Variants in SNTG2 observed in about 807,000 individuals in gnomAD.
The protein encoded by SNTG2 is gamma-2-syntrophin.
In SNTG2, 74 loss-of-function variants were observed where a neutral mutation model predicts 70.9. The ratio of observed to expected loss-of-function variants is 1.04; its 90% CI spans 0.86 to 1.27. The LOEUF is 1.27. Among genes scored for constraint, SNTG2 ranks in the 50% most tolerant of loss-of-function variants. The probability of loss-of-function intolerance (pLI) is 0.00; values close to 1 mark genes in which losing one functional copy is unlikely to be tolerated. For missense variants in SNTG2, 717 were observed against 690.7 expected (o/e 1.04, Z -0.43); for synonymous variants, 278 against 273.8 (o/e 1.02, Z -0.15).
intron 4 of SNTG2, chr2:1,103,335 C>A (rs1452672724): frequency 8.2e-6 from 2 of 244,592 alleles, no homozygotes; most frequent in Non-Finnish European, 8.6e-6. Flanking sequence ...AATTTTAATT[C>A]TTTCAATTCA....
intron 9 of SNTG2, among the ~76,000 whole-genome samples, chr2:1,221,273 G>C (rs991666400): frequency 4.7e-4 from 8 of 16,862 alleles, no homozygotes; most frequent in Non-Finnish European, 1.1e-3. Flanking sequence ...GTCTGTCTCT[G>C]TCTCTGCCTC....
At chr2:1,101,149 G>A (rs1385512432) in intron 4 of SNTG2, among the ~76,000 whole-genome samples, 1 of 152,164 alleles carries the variant, frequency 6.6e-6, no homozygotes, top group Non-Finnish European at 1.5e-5. Flanking sequence ...CTCCTCCCAG[G>A]CCTGCTCCCA....
intron 2 of SNTG2, among the ~76,000 whole-genome samples, chr2:1,094,308 GCCGGCTTC>G (rs1186639572): frequency 1.7e-5 from 1 of 59,016 alleles, no homozygotes; most frequent in African/African-American, 7.2e-5. Context: ...ACTGGCAAGG[GCCGGCTTC>G]CTGGACTGCA....
chr2:1,145,712 C>G (rs28763333), intron 6 of SNTG2, among the ~76,000 whole-genome samples: 55,935 of 152,002 alleles, frequency 0.37, 11,133 homozygotes, highest in East Asian at 0.83. Flanking sequence ...ATGAGGCCAG[C>G]TTTATCACAA....
chr2:1,139,326 G>C (rs1450312700), intron 6 of SNTG2, among the ~76,000 whole-genome samples: 1 of 152,194 alleles, frequency 6.6e-6, no homozygotes, highest in African/African-American at 2.4e-5. Flanking sequence ...CGCCTCCCGG[G>C]TTCAAGCAAC....
rs1681275114 is a variant in SNTG2 at position 1,316,273 on chromosome 2, C to G, written c.1386C>G (p.Leu462=). 6.6e-7 allele frequency: 1 copy of G among 1,520,680 alleles called. No individual in the cohort carries two copies. The highest frequency in any genetic ancestry group is 1.2e-5 in the South Asian group (1 of 82,414). 94.2% of individuals were successfully genotyped at this position (1,520,680 alleles called of 1,614,324 possible). The change falls in exon 16 of 17, where the codon CTC becomes CTG. Residue 462 remains leucine (L), a synonymous_variant. Transcript: ENST00000308624. ...ATTTTATTCCTTTACAGAATGTGCT[C>G]TGGAGATTTAAATTTTCCCAGCTTA... ...TCFESKTKNV[L]WRFKFSQLKG...
intron 6 of SNTG2, among the ~76,000 whole-genome samples, chr2:1,155,172 C>CACACACACACACACA (rs1553340385): frequency 0.098 from 2,533 of 25,940 alleles, 89 homozygotes; most frequent in African/African-American, 0.16. Context: ...CACGTAGACC[C>CACACACACACACACA]CCCCCCCACA....
chr2:1,004,279 T>C (rs1308773880), intron 1 of SNTG2, among the ~76,000 whole-genome samples: 4 of 152,250 alleles, frequency 2.6e-5, no homozygotes, highest in African/African-American at 7.2e-5. Context: ...GATATGATGA[T>C]GACTTTTGAT....
chr2:1,081,610 G>T (rs1414798376), intron 1 of SNTG2, among the ~76,000 whole-genome samples: 1 of 152,234 alleles, frequency 6.6e-6, no homozygotes, highest in Non-Finnish European at 1.5e-5. Flanking sequence ...ACATAGCCAG[G>T]GCCTCCTTCC....
intron 14 of SNTG2, among the ~76,000 whole-genome samples, chr2:1,306,730 C>T (rs551987813): frequency 6.8e-5 from 10 of 147,534 alleles, no homozygotes; most frequent in Admixed American, 4.8e-4. Flanking sequence ...GTCAGCCGTG[C>T]GCTGTGTGAG....
chr2:961,594 T>G (rs1047883793), intron 1 of SNTG2, among the ~76,000 whole-genome samples: 1 of 152,226 alleles, frequency 6.6e-6, no homozygotes, highest in Non-Finnish European at 1.5e-5. Flanking sequence ...TAATGGAGCA[T>G]TTTATTCTTT....
At chr2:1,134,743 T>A (rs922722880) in intron 4 of SNTG2, among the ~76,000 whole-genome samples, 3 of 151,876 alleles carry the variant, frequency 2.0e-5, no homozygotes, top group Non-Finnish European at 2.9e-5. Flanking sequence ...AGCCATTGGG[T>A]GGTTGATGGG....
chr2:1,058,470 T>C (rs1572330338), intron 1 of SNTG2, among the ~76,000 whole-genome samples: 1 of 152,252 alleles, frequency 6.6e-6, no homozygotes, highest in Non-Finnish European at 1.5e-5. Flanking sequence ...TTATTGGCAG[T>C]ATTTTAATTT....
chr2:1,152,135 C>A (rs148540168), intron 6 of SNTG2, among the ~76,000 whole-genome samples: 1 of 152,100 alleles, frequency 6.6e-6, no homozygotes, highest in Admixed American at 6.5e-5. Context: ...TGTGCTGACT[C>A]CTAATTAGAT....
chr2:1,267,842 G>A (rs1378340774), intron 14 of SNTG2, among the ~76,000 whole-genome samples: 2 of 152,164 alleles, frequency 1.3e-5, no homozygotes, highest in Non-Finnish European at 2.9e-5. Context: ...TTTCCAGGAA[G>A]GGACTCCACC....
chr2:1,023,959 T>C (rs779909098), intron 1 of SNTG2, among the ~76,000 whole-genome samples: 13 of 152,224 alleles, frequency 8.5e-5, no homozygotes, highest in Non-Finnish European at 1.3e-4. Flanking sequence ...AAAACTGGTG[T>C]GTGCTTTACA....
In SNTG2 at chr2:1,328,818, T is replaced by C. The variant is rs147309639; in HGVS notation, c.1488+12443T>C. Among the ~76,000 whole-genome samples, 1,214 of 151,850 alleles carry C rather than the reference T, an allele frequency of 8.0e-3. 17 individuals are homozygous for C. Among genetic ancestry groups the C allele is most frequent in the Non-Finnish European group, 9.7e-3 (658 of 67,906 alleles). ...ATCCACACACACACATACACACACA[T>C]GCACGCACATATACACACATACACA... On this transcript the variant is annotated intron_variant, in intron 16 of 16. Transcript: ENST00000308624.
intron 4 of SNTG2, among the ~76,000 whole-genome samples, chr2:1,111,009 T>C (rs1666404279): frequency 1.3e-5 from 2 of 152,220 alleles, no homozygotes; most frequent in South Asian, 4.1e-4. Context: ...CTGTGCTTTC[T>C]GTCACAAGCC....
At chr2:1,336,137 G>C (rs1659804950) in intron 16 of SNTG2, among the ~76,000 whole-genome samples, 1 of 152,162 alleles carries the variant, frequency 6.6e-6, no homozygotes, top group African/African-American at 2.4e-5. Flanking sequence ...GATTTTCAAA[G>C]AGAAAAGTAC....
Sources: gnomAD v4.1 joint callset for allele counts (sites outside exome capture counted in the v4.1 genomes callset) on GRCh38, gnomAD v4.1.1 for gene constraint, MANE v1.5 for transcripts, NCBI Gene and HGNC (gene_info 2026-07-23, HGNC 2026-07-21) for gene names.